The following ALG8 variants were observed in gnomAD, a reference collection of about 807,000 sequenced individuals.
ALG8 encodes the protein dolichyl pyrophosphate Glc1Man9GlcNAc2 alpha-1,3-glucosyltransferase.
In ALG8, 48 loss-of-function variants were observed where a neutral mutation model predicts 70.2. The observed-to-expected ratio is 0.68, with a 90% CI of 0.54 to 0.87. The LOEUF (loss-of-function observed/expected upper bound fraction) is 0.87, where lower values mean the gene tolerates loss of function less well. ALG8 is among the 40% of genes least tolerant of loss of function. The pLI is 0.00. For missense variants in ALG8, 572 were observed against 608.7 expected, an observed-to-expected ratio of 0.94 and a Z score of 0.64; for synonymous variants, 234 against 229.0, an observed-to-expected ratio of 1.02 and a Z score of -0.20.
chr11:78,125,490 G>A (rs1266484799), intron 2 of ALG8, among the ~76,000 whole-genome samples: 2 of 151,502 alleles, frequency 1.3e-5, no homozygotes, highest in African/African-American at 4.9e-5. Context: ...CCTGGGCCGG[G>A]CATAGTGGCT....
At chr11:78,131,644 T>G (rs1861313904) in intron 1 of ALG8, among the ~76,000 whole-genome samples, 1 of 152,182 alleles carries the variant, frequency 6.6e-6, no homozygotes, top group African/African-American at 2.4e-5. Flanking sequence ...CTTTGTATTT[T>G]TTGTAGAGAC....
intron 8 of ALG8, among the ~76,000 whole-genome samples, chr11:78,109,875 C>A (rs1394777426): frequency 2.0e-5 from 3 of 152,188 alleles, no homozygotes; most frequent in Non-Finnish European, 4.4e-5. Flanking sequence ...AAGCAAGCTT[C>A]TAGAACAGTC....
At chr11:78,105,265 T>C (rs905173785) in intron 10 of ALG8, among the ~76,000 whole-genome samples, 2 of 152,216 alleles carry the variant, frequency 1.3e-5, no homozygotes, top group African/African-American at 4.8e-5. Flanking sequence ...TGTTCAGAGC[T>C]TAAATGATTT....
At position 78,114,043 on chromosome 11, in the gene ALG8, ATAACC is replaced by A. The variant is rs1565350431; in HGVS notation, c.674-59_674-55del. 7 of 1,485,360 alleles carry A rather than the reference ATAACC, an allele frequency of 4.7e-6. No individual in the cohort carries two copies. In the East Asian group the frequency reaches 1.4e-4, roughly 30 times the overall value. 92.0% of individuals were successfully genotyped at this position (1,485,360 alleles called of 1,614,324 possible). A position where few individuals can be genotyped will look rare whatever the true frequency, so the allele number is the denominator to read the frequency against. ...AGGAAGATGGAAAGGAACATTAACC[ATAACC>A]TATATCATGTGCTAAAACTAGAAGT... is the stretch of plus-strand genomic sequence containing the variant. On this transcript the variant is annotated intron_variant, in intron 6 of 12. Coordinates refer to ENST00000299626, the MANE Select transcript of ALG8 (RefSeq NM_024079.5).
chr11:78,134,351 G>A (rs1016985636), intron 1 of ALG8, among the ~76,000 whole-genome samples: 1 of 151,942 alleles, frequency 6.6e-6, no homozygotes, highest in Non-Finnish European at 1.5e-5. Context: ...TTGGCCAGGC[G>A]GGTCTTGAAC....
rs1241742397 is a variant in ALG8 at position 78,139,476 on chromosome 11, G to C, written c.95+18C>G. ...GCGGGGCCTCCCCGCCCAGCCCCTG[G>C]CCGTGCGAGTCCCTTACTATGTGGG... On this transcript the variant is annotated intron_variant, in intron 1 of 12. Transcript: ENST00000299626. 14 of 1,552,906 alleles carry C rather than the reference G, an allele frequency of 9.0e-6. No homozygotes were observed. Among genetic ancestry groups the C allele is most frequent in the Non-Finnish European group, 1.2e-5 (14 of 1,147,598 alleles).
At chr11:78,134,384 C>T (rs544818360) in intron 1 of ALG8, among the ~76,000 whole-genome samples, 51 of 152,236 alleles carry the variant, frequency 3.4e-4, no homozygotes, top group African/African-American at 1.2e-3. Flanking sequence ...GTGACCCGCC[C>T]GCCTCAGCCT....
chr11:78,113,773 G>A (rs1378065869), intron 7 of ALG8, 113 bp downstream of exon 7: 3 of 827,764 alleles, frequency 3.6e-6, no homozygotes, highest in Non-Finnish European at 5.7e-6. Flanking sequence ...CGTTGGGTAA[G>A]GAGTAAGAAA....
In ALG8 at chr11:78,114,293, A is replaced by C; in HGVS notation, c.646T>G (p.Ser216Ala). ...GGTTTATTTGCAGTGAAACAGTAGG[A>C]TCGCAGCAGATATACACCATAAGCT... Reference protein sequence around the residue: ...APAYGVYLLRSYCFTANKPDG... With the variant: ...APAYGVYLLRAYCFTANKPDG... Residue 216 changes from serine (S) to alanine (A), a missense_variant, in exon 6 of 13, where the codon TCC becomes GCC. Physicochemically the swap from Ser to Ala is moderately conservative, Grantham distance 99 (BLOSUM62 1). Transcript: ENST00000299626. 6.2e-7 allele frequency: 1 copy of C among 1,614,170 alleles called. No homozygotes were observed. The highest frequency in any genetic ancestry group is 8.5e-7 in the Non-Finnish European group (1 of 1,180,024).
chr11:78,123,175 G>A (rs901932910), intron 3 of ALG8, among the ~76,000 whole-genome samples: 4 of 151,988 alleles, frequency 2.6e-5, no homozygotes, highest in African/African-American at 7.2e-5. Flanking sequence ...CCATGGTGGT[G>A]TGCACCTGTA....
At chr11:78,139,472 C>A in intron 1 of ALG8, 22 bp downstream of exon 1, 1 of 1,552,302 alleles carries the variant, frequency 6.4e-7, no homozygotes, top group Non-Finnish European at 8.7e-7. Flanking sequence ...CCGCCCAGCC[C>A]CTGGCCGTGC....
At position 78,121,055 on chromosome 11, in the gene ALG8, T is replaced by C; in HGVS notation, c.478+10A>G. ...TAGTAAGGGAATAGTACATAGAATATCAAGGATACGGTCCACAATTAATAA... is the reference window on the plus strand; with the variant it reads ...TAGTAAGGGAATAGTACATAGAATACCAAGGATACGGTCCACAATTAATAA... On this transcript the variant is annotated intron_variant, in intron 4 of 12. Coordinates refer to ENST00000299626, the MANE Select transcript of ALG8 (RefSeq NM_024079.5). The C allele has an allele frequency of 6.3e-7, 1 of 1,595,334 alleles. No homozygotes were observed. The highest frequency in any genetic ancestry group is 1.1e-5 in the South Asian group (1 of 90,732).
chr11:78,103,891 TTAAAAA>T (rs1859906356), intron 12 of ALG8, 83 bp downstream of exon 12: 1 of 736,200 alleles, frequency 1.4e-6, no homozygotes, highest in Non-Finnish European at 2.2e-6. Context: ...CTGTTATAAC[TTAAAAA>T]TAAAATTTAA....
At chr11:78,101,474 C>T (rs1859794756) in intron 12 of ALG8, among the ~76,000 whole-genome samples, 1 of 152,022 alleles carries the variant, frequency 6.6e-6, no homozygotes, top group Admixed American at 6.6e-5. Flanking sequence ...ACTAAAAATA[C>T]AAAAATTAGC....
chr11:78,130,367 A>AAAAAAAAAAAAG (rs11275338), intron 1 of ALG8, among the ~76,000 whole-genome samples: 1 of 150,484 alleles, frequency 6.6e-6, no homozygotes, highest in South Asian at 2.1e-4. Flanking sequence ...AAAAAAAAAA[A>AAAAAAAAAAAAG]GGTGAGAATA....
chr11:78,118,489 G>A (rs887747900), intron 5 of ALG8, among the ~76,000 whole-genome samples: 2 of 151,516 alleles, frequency 1.3e-5, no homozygotes, highest in African/African-American at 4.9e-5. Context: ...GGTGGTGGGC[G>A]CCTGTAATCC....
Position 78,114,018 on chromosome 11 carries a change from A to G in ALG8, c.674-29T>C, listed in dbSNP as rs572693. Reference sequence around the variant, plus strand: ...CAGAAAAGGAACATTATCAGTAACCAGGAAGATGGAAAGGAACATTAACCA... The same window carrying G: ...CAGAAAAGGAACATTATCAGTAACCGGGAAGATGGAAAGGAACATTAACCA... On this transcript the variant is annotated intron_variant, in intron 6 of 12. Transcript: ENST00000299626. 268,521 of 1,555,466 alleles carry G rather than the reference A, an allele frequency of 0.17. 26,096 individuals carry two copies. The highest frequency in any genetic ancestry group is 0.39 in the African/African-American group (28,442 of 73,700).
At chr11:78,131,558 G>T (rs1861311440) in intron 1 of ALG8, among the ~76,000 whole-genome samples, 1 of 152,200 alleles carries the variant, frequency 6.6e-6, no homozygotes. Flanking sequence ...AGCTATGACT[G>T]TGCCACTGTA....
In ALG8 at chr11:78,114,631, T is replaced by C. The variant is rs1031832398; in HGVS notation, c.547-239A>G. The C allele has an allele frequency of 1.6e-5, 9 of 545,622 alleles. No individual in the cohort carries two copies. In the African/African-American group the frequency reaches 1.7e-4, roughly 10 times the overall value. 33.8% of individuals were successfully genotyped at this position (545,622 alleles called of 1,614,324 possible). ...ACTCTCTGTACTATTTCTACAACTTTTCTGGAAAGCTAAAATTATCCTACA... is the reference window on the plus strand; with the variant it reads ...ACTCTCTGTACTATTTCTACAACTTCTCTGGAAAGCTAAAATTATCCTACA... On this transcript the variant is annotated intron_variant, in intron 5 of 12. Coordinates refer to ENST00000299626, the MANE Select transcript of ALG8 (RefSeq NM_024079.5).
Sources: gnomAD v4.1 joint callset for allele counts (sites outside exome capture counted in the v4.1 genomes callset) on GRCh38, gnomAD v4.1.1 for gene constraint, MANE v1.5 for transcripts, NCBI Gene and HGNC (gene_info 2026-07-23, HGNC 2026-07-21) for gene names.